Variants in PLAAT1 observed in about 807,000 individuals in gnomAD.
The protein encoded by PLAAT1 is phospholipase A and acyltransferase 1.
In PLAAT1, 13 loss-of-function variants were observed where a neutral mutation model predicts 16.4. The observed-to-expected ratio is 0.79, with a 90% CI of 0.52 to 1.26. The LOEUF (loss-of-function observed/expected upper bound fraction) is 1.26. Among genes scored for constraint, PLAAT1 ranks in the 50% most tolerant of loss-of-function variants. The pLI is 0.00. For synonymous variants in PLAAT1, 73 were observed against 78.4 expected (o/e 0.93, Z 0.36); for missense variants, 218 against 207.8 (o/e 1.05, Z -0.30).
At chr3:193,269,734 A>T (rs1400618457) in intron 3 of PLAAT1, among the ~76,000 whole-genome samples, 1 of 152,222 alleles carries the variant, frequency 6.6e-6, no homozygotes, top group Non-Finnish European at 1.5e-5. Flanking sequence ...AAGTGTCCGA[A>T]TGTGACCTTT....
downstream of PLAAT1, chr3:193,277,745 T>A (rs1717290002): frequency 6.6e-6 from 1 of 152,246 alleles, no homozygotes. Flanking sequence ...AACCTGGCTC[T>A]TTTTCTCATG....
intron 3 of PLAAT1, among the ~76,000 whole-genome samples, chr3:193,268,107 C>T (rs892978118): frequency 2.0e-5 from 3 of 152,218 alleles, no homozygotes; most frequent in South Asian, 2.1e-4. Flanking sequence ...TTGTCTTTTA[C>T]AGTTGTTTTC....
chr3:193,256,472 C>T (rs557312243), intron 2 of PLAAT1, among the ~76,000 whole-genome samples: 21 of 152,188 alleles, frequency 1.4e-4, no homozygotes, highest in African/African-American at 5.1e-4. Flanking sequence ...ACACTAAAAC[C>T]TCAACAAACA....
At chr3:193,260,447 G>A (rs1275602743) in intron 2 of PLAAT1, among the ~76,000 whole-genome samples, 1 of 152,056 alleles carries the variant, frequency 6.6e-6, no homozygotes, top group African/African-American at 2.4e-5. Flanking sequence ...TTCATAAACT[G>A]TGCATCTGAC....
chr3:193,275,284 G>A (rs1717140458), downstream of PLAAT1: 1 of 1,613,310 alleles, frequency 6.2e-7, no homozygotes, highest in African/African-American at 1.3e-5. Context: ...CAGAGTTCAT[G>A]ATTTTGAAGG....
chr3:193,246,040 G>C (rs1715970482), intron 1 of PLAAT1, among the ~76,000 whole-genome samples: 1 of 152,122 alleles, frequency 6.6e-6, no homozygotes, highest in Non-Finnish European at 1.5e-5. Context: ...CTATATGAAT[G>C]CCTTTTATTT....
At chr3:193,267,585 A>G (rs79447067) in intron 3 of PLAAT1, among the ~76,000 whole-genome samples, 1,591 of 152,154 alleles carry the variant, frequency 0.01, 55 homozygotes, top group East Asian at 0.072. Context: ...TCCTTGATTT[A>G]CCACACCTTA....
intron 3 of PLAAT1, among the ~76,000 whole-genome samples, chr3:193,269,328 T>G (rs565343062): frequency 2.6e-5 from 4 of 152,356 alleles, no homozygotes; most frequent in African/African-American, 9.6e-5. Flanking sequence ...CTCCCTGGCA[T>G]CTGGGGGTTG....
Position 193,270,736 on chromosome 3 carries a change from G to T in PLAAT1, c.*31G>T. The T allele has an allele frequency of 6.2e-7, 1 of 1,600,906 alleles. No individual in the cohort carries two copies. Among genetic ancestry groups the T allele is most frequent in the South Asian group, 1.1e-5 (1 of 89,360 alleles). Reference sequence around the variant, plus strand: ...TACCAAAGAGATATTGATATTGAAGGAATTTGGGAGGAGGAAAAGAAACCT... The same window carrying T: ...TACCAAAGAGATATTGATATTGAAGTAATTTGGGAGGAGGAAAAGAAACCT... On this transcript the variant is annotated 3_prime_UTR_variant, in exon 4 of 4. Coordinates refer to ENST00000264735, the MANE Select transcript of PLAAT1 (RefSeq NM_020386.5).
intron 2 of PLAAT1, among the ~76,000 whole-genome samples, chr3:193,277,226 T>G (rs13086296): frequency 0.38 from 57,568 of 151,744 alleles, 12,520 homozygotes; most frequent in Non-Finnish European, 0.48. Context: ...AAATTCTACC[T>G]GGAATTCATT....
chr3:193,265,265 A>C (rs1037710505), intron 3 of PLAAT1, among the ~76,000 whole-genome samples: 7 of 152,240 alleles, frequency 4.6e-5, no homozygotes, highest in Non-Finnish European at 8.8e-5. Flanking sequence ...ATGGATAGAC[A>C]AAATGGGGTA....
chr3:193,275,145 C>A (rs1717129489), downstream of PLAAT1: 1 of 1,614,050 alleles, frequency 6.2e-7, no homozygotes, highest in Admixed American at 1.7e-5. Context: ...GATGTAGAAT[C>A]CATTTTTGCC....
At position 193,256,093 on chromosome 3, in the gene PLAAT1, C is replaced by T. The variant is rs569980738; in HGVS notation, c.139+304C>T. Among the ~76,000 whole-genome samples, 5 of 152,254 alleles carry T rather than the reference C, an allele frequency of 3.3e-5. No homozygotes were observed. The South Asian group carries it at 1.0e-3, about 32-fold the overall frequency. Reference sequence around the variant, plus strand: ...CAAGGTTCAGTGTCTTTATGTTTCACACAAATAGGTTATTTCAATTTATTC... The same window carrying T: ...CAAGGTTCAGTGTCTTTATGTTTCATACAAATAGGTTATTTCAATTTATTC... On this transcript the variant is annotated intron_variant, in intron 2 of 3. Coordinates refer to ENST00000264735, the MANE Select transcript of PLAAT1 (RefSeq NM_020386.5).
intron 3 of PLAAT1, among the ~76,000 whole-genome samples, chr3:193,268,189 A>T (rs1716843945): frequency 6.6e-6 from 1 of 152,234 alleles, no homozygotes; most frequent in African/African-American, 2.4e-5. Context: ...CATAGACCAA[A>T]TTATGAAAAT....
In PLAAT1 at chr3:193,258,102, A is replaced by G. The variant is rs564537660; in HGVS notation, c.139+2313A>G. ...CGTGTGAGTCAATACTCCTTAATAA[A>G]CTCCCTTTCATATATACATCTATCC... On this transcript the variant is annotated intron_variant, in intron 2 of 3. Transcript: ENST00000264735. Among the ~76,000 whole-genome samples the G allele has an allele frequency of 9.9e-5, 15 of 151,702 alleles. No homozygotes were observed. In the South Asian group the frequency reaches 2.7e-3, roughly 28 times the overall value.
At chr3:193,251,861 T>C (rs1716202293) in intron 1 of PLAAT1, among the ~76,000 whole-genome samples, 1 of 152,130 alleles carries the variant, frequency 6.6e-6, no homozygotes, top group Admixed American at 6.5e-5. Flanking sequence ...AGTGTGTTTG[T>C]AGGAGAAGGG....
At position 193,263,021 on chromosome 3, in the gene PLAAT1, C is replaced by T. The variant is rs1248250921; in HGVS notation, c.191C>T (p.Ala64Val). ...TSAKSVFSSK[A>V]LVKMQLLKDV... is the part of the protein sequence containing the mutation. Reference sequence around the variant, plus strand: ...GCCAAGTCTGTATTCAGCAGTAAGGCCCTGGTGAAAATGCAGCTCTTGAAG... The same window carrying T: ...GCCAAGTCTGTATTCAGCAGTAAGGTCCTGGTGAAAATGCAGCTCTTGAAG... Residue 64 changes from alanine (A) to valine (V), a missense_variant, in exon 3 of 4, where the codon GCC (alanine) becomes GTC (valine). Coordinates refer to ENST00000264735, the MANE Select transcript of PLAAT1 (RefSeq NM_020386.5). 6.2e-7 allele frequency: 1 copy of T among 1,613,966 alleles called. No individual in the cohort carries two copies. Among genetic ancestry groups the T allele is most frequent in the Non-Finnish European group, 8.5e-7 (1 of 1,179,988 alleles).
intron 2 of PLAAT1, among the ~76,000 whole-genome samples, chr3:193,260,013 G>T (rs1716525022): frequency 6.6e-6 from 1 of 152,092 alleles, no homozygotes; most frequent in Non-Finnish European, 1.5e-5. Context: ...CAGACACACA[G>T]ACCAAGGGAA....
At chr3:193,251,771 T>C (rs1263823278) in intron 1 of PLAAT1, among the ~76,000 whole-genome samples, 1 of 152,148 alleles carries the variant, frequency 6.6e-6, no homozygotes, top group African/African-American at 2.4e-5. Flanking sequence ...TATTTTCTTC[T>C]TTGTCTAGTG....
Sources: allele counts gnomAD v4.1 joint callset (sites outside exome capture counted in the v4.1 genomes callset), GRCh38; gene constraint gnomAD v4.1.1; transcripts MANE v1.5; gene names NCBI Gene and HGNC (gene_info 2026-07-23, HGNC 2026-07-21).